The following LAMA3 variants were observed in gnomAD, a reference collection of about 807,000 sequenced individuals.
LAMA3 encodes laminin subunit alpha-3.
A neutral mutation model predicts 402.0 loss-of-function variants in LAMA3; 281 were observed. The ratio of observed to expected loss-of-function variants is 0.70; its 90% CI spans 0.63 to 0.77. The LOEUF (loss-of-function observed/expected upper bound fraction) is 0.77. Among genes scored for constraint, LAMA3 ranks in the 30% least tolerant of loss-of-function variants. The pLI, the probability that LAMA3 is intolerant of heterozygous loss-of-function variation, is 0.00. For missense variants in LAMA3, 3,840 were observed against 4,215.5 expected (o/e 0.91, Z 2.47); for synonymous variants, 1,431 against 1,558.4 (o/e 0.92, Z 1.93).
Position 23,914,831 on chromosome 18 carries a change from T to C in LAMA3, c.7615T>C (p.Tyr2539His). Residue 2539 changes from tyrosine (Y) to histidine (H), a missense_variant, in exon 58 of 75, where the codon TAT becomes CAT. By Grantham distance (83) the Tyr-to-His change is moderately conservative (BLOSUM62 2). Around this residue, in one of 3 missense-constraint regions of LAMA3, gnomAD observed 840 missense variants for 981.9 expected, o/e 0.86. Coordinates refer to ENST00000313654, the MANE Select transcript of LAMA3 (RefSeq NM_198129.4). ...TTTGGATCCTGAAAATGTTGTATTT[T>C]ATGTTGGAGGTTACCCACCTGATTT... ...LNLDPENVVF[Y>H]VGGYPPDFKL... The C allele has an allele frequency of 6.2e-7, 1 of 1,613,194 alleles. No individual in the cohort carries two copies.
Position 23,864,871 on chromosome 18 carries a change from T to TAC in LAMA3, c.4671_4672insAC (p.Val1558ThrfsTer50). The TAC allele has an allele frequency of 6.2e-7, 1 of 1,611,678 alleles. No individual in the cohort carries two copies. The highest frequency in any genetic ancestry group is 8.5e-7 in the Non-Finnish European group (1 of 1,178,040). ...TGGTTCTTCTGGAAAAGAAGCCGGA[T>TAC]GTACAGCTCACTGTAGGTATCAGAG... On this transcript the variant is annotated frameshift_variant, in exon 36 of 75. Transcript: ENST00000313654. LOFTEE classifies it high-confidence loss of function.
At chr18:23,952,633 T>G (rs1177057025) in intron 73 of LAMA3, among the ~76,000 whole-genome samples, 1 of 152,232 alleles carries the variant, frequency 6.6e-6, no homozygotes, top group East Asian at 1.9e-4. Context: ...AGAAAGTAGC[T>G]GAGATCACAT....
intron 5 of LAMA3, 126 bp from the exon 6 acceptor site, chr18:23,753,595 T>C: frequency 2.8e-6 from 2 of 725,868 alleles, no homozygotes; most frequent in Non-Finnish European, 5.1e-6. Context: ...TACATCCCAA[T>C]GTAGGGCTCA....
At chr18:23,738,332 G>A (rs2061510381) in intron 2 of LAMA3, among the ~76,000 whole-genome samples, 1 of 151,964 alleles carries the variant, frequency 6.6e-6, no homozygotes, top group African/African-American at 2.4e-5. Flanking sequence ...GCAGAGGGAG[G>A]GATTGGCTTT....
In LAMA3 at chr18:23,953,782, T is replaced by C. The variant is rs552361021; in HGVS notation, c.9856+673T>C. On this transcript the variant is annotated intron_variant, in intron 74 of 74. Transcript: ENST00000313654. ...TAGTTTTACTAGTGAGTTATTAAGC[T>C]TTTGGGGACCGGACTGGGAGAATCA... Among the ~76,000 whole-genome samples the C allele has an allele frequency of 2.6e-4, 39 of 152,304 alleles. 1 individual carries two copies. In the Middle Eastern group the frequency reaches 0.01, roughly 40 times the overall value.
Position 23,861,768 on chromosome 18 carries a change from C to A in LAMA3, c.4545C>A (p.Ser1515Arg), listed in dbSNP as rs183722225. The A allele has an allele frequency of 1.9e-6, 3 of 1,613,596 alleles. No individual in the cohort carries two copies. The highest frequency in any genetic ancestry group is 1.3e-5 in the African/African-American group (1 of 74,906). The stretch of plus-strand genomic sequence containing the variant: ...AGGAGCTGCCCGCAACCATCCACAG[C>A]GCGTCCTGGGTCGCACCCACCTCCT... ...DLQELPATIHSASWVAPTSYL... is the reference protein window; with the variant it reads ...DLQELPATIHRASWVAPTSYL... Residue 1515 changes from serine to arginine, a missense_variant, in exon 35 of 75, where the codon AGC becomes AGA. This residue lies in a region of LAMA3 where 2,109 missense variants were observed against 2,376.0 expected (regional missense o/e 0.89). Transcript: ENST00000313654.
At chr18:23,721,396 A>G (rs1033839874) in intron 2 of LAMA3, among the ~76,000 whole-genome samples, 3 of 152,040 alleles carry the variant, frequency 2.0e-5, no homozygotes, top group African/African-American at 7.2e-5. Flanking sequence ...TGGGTTCCCA[A>G]TGTTGCCCCG....
chr18:23,932,263 G>A lies in LAMA3; in HGVS notation c.8680G>A (p.Gly2894Ser), dbSNP rs1272053525. ...GCGTCTGGGCGGGAGCAATTTTGAG[G>A]GTTGTATTAGCAATGTTTTTGTCCA... ...SLRLGGSNFE[G>S]CISNVFVQRL... The change falls in exon 66 of 75, where the codon GGT (glycine) becomes AGT (serine). Residue 2894 changes from glycine to serine, a missense_variant. Physicochemically the swap from Gly to Ser is moderately conservative, Grantham distance 56. Coordinates refer to ENST00000313654, the MANE Select transcript of LAMA3 (RefSeq NM_198129.4). The A allele has an allele frequency of 6.2e-7, 1 of 1,614,036 alleles. No homozygotes were observed. The highest frequency in any genetic ancestry group is 1.7e-5 in the Admixed American group (1 of 60,026).
chr18:23,732,783 T>G (rs2061414677), intron 2 of LAMA3, among the ~76,000 whole-genome samples: 1 of 152,098 alleles, frequency 6.6e-6, no homozygotes, highest in African/African-American at 2.4e-5. Flanking sequence ...AACTGCAGCC[T>G]CTGTATCTAT....
intron 2 of LAMA3, among the ~76,000 whole-genome samples, chr18:23,743,053 T>C (rs1245765155): frequency 6.6e-6 from 1 of 152,176 alleles, no homozygotes; most frequent in African/African-American, 2.4e-5. Flanking sequence ...TTTCTGAGGA[T>C]ATAGGAGTGA....
intron 12 of LAMA3, among the ~76,000 whole-genome samples, chr18:23,787,970 AATAC>A (rs909240743): frequency 6.6e-6 from 1 of 152,106 alleles, no homozygotes; most frequent in South Asian, 2.1e-4. Flanking sequence ...TGTATATACA[AATAC>A]ATACATACAT....
Position 23,879,480 on chromosome 18 carries a change from G to A in LAMA3, c.5113-2456G>A, listed in dbSNP as rs942453687. 6.6e-6 allele frequency among the ~76,000 whole-genome samples: 1 copy of A among 152,200 alleles called. No homozygotes were observed. Among genetic ancestry groups the A allele is most frequent in the African/African-American group, 2.4e-5 (1 of 41,462 alleles). ...CACACTTGTGTCCTATTTTCCACGT[G>A]ATATTGAATACGTCTATTCACAGGA... On this transcript the variant is annotated intron_variant, in intron 39 of 74. Coordinates refer to ENST00000313654, the MANE Select transcript of LAMA3 (RefSeq NM_198129.4). The surrounding 1 kb of genome is among the most constrained non-coding windows in gnomAD (Gnocchi z 4.2).
chr18:23,876,154 A>C (rs2064703495), intron 38 of LAMA3, 140 bp from the exon 39 acceptor site: 1 of 677,296 alleles, frequency 1.5e-6, no homozygotes, highest in Non-Finnish European at 2.7e-6. Flanking sequence ...TAGTCACTAC[A>C]CTCCAGCCTG....
intron 44 of LAMA3, among the ~76,000 whole-genome samples, chr18:23,897,853 G>C (rs751520257): frequency 6.6e-6 from 1 of 152,066 alleles, no homozygotes; most frequent in Non-Finnish European, 1.5e-5. Flanking sequence ...CAATACATTA[G>C]CTCGCTTATC....
At chr18:23,921,709 A>G (rs891730226) in intron 62 of LAMA3, 124 bp downstream of exon 62, 22 of 918,214 alleles carry the variant, frequency 2.4e-5, no homozygotes, top group Non-Finnish European at 3.9e-5. Flanking sequence ...TAACTTTTCC[A>G]TATTAACAGT....
At chr18:23,824,683 A>G (rs1239282524) in intron 21 of LAMA3, 118 bp downstream of exon 21, 6 of 1,167,314 alleles carry the variant, frequency 5.1e-6, no homozygotes, top group Non-Finnish European at 7.6e-6. Context: ...GTGGTTTTAG[A>G]CACAGGAACA....
chr18:23,741,078 C>A (rs772136908), intron 2 of LAMA3, among the ~76,000 whole-genome samples: 1 of 152,016 alleles, frequency 6.6e-6, no homozygotes, highest in Non-Finnish European at 1.5e-5. Flanking sequence ...CTCAGCCTCC[C>A]GAGTAGCTGG....
At chr18:23,740,642 G>A (rs1389940426) in intron 2 of LAMA3, among the ~76,000 whole-genome samples, 1 of 152,036 alleles carries the variant, frequency 6.6e-6, no homozygotes, top group African/African-American at 2.4e-5. Flanking sequence ...CAGGGTGTGG[G>A]CATTTAAATT....
In LAMA3 at chr18:23,804,677, C is replaced by T. The variant is rs569393518; in HGVS notation, c.1604-5689C>T. Reference sequence around the variant, plus strand: ...TTGGATGTTTGCCCCCTCCAAACCTCGTGTTGAAATCTGATCCCCAATGTT... The same window carrying T: ...TTGGATGTTTGCCCCCTCCAAACCTTGTGTTGAAATCTGATCCCCAATGTT... On this transcript the variant is annotated intron_variant, in intron 12 of 74. Coordinates refer to ENST00000313654, the MANE Select transcript of LAMA3 (RefSeq NM_198129.4). Among the ~76,000 whole-genome samples, 11 of 152,226 alleles carry T rather than the reference C, an allele frequency of 7.2e-5. 1 individual carries two copies. In the South Asian group the frequency reaches 2.3e-3, roughly 32 times the overall value.
Sources: gnomAD v4.1 joint callset for allele counts (sites outside exome capture counted in the v4.1 genomes callset) on GRCh38, gnomAD v4.1.1 for gene constraint, gnomAD v4.1.1 regional missense constraint, Gnocchi (gnomAD v3.1) non-coding constraint, MANE v1.5 for transcripts, NCBI Gene and HGNC (gene_info 2026-07-23, HGNC 2026-07-21) for gene names.